The following CD82 variants were observed in gnomAD, a reference collection of about 807,000 sequenced individuals.
The protein encoded by CD82 is CD82 molecule.
In CD82, 36 loss-of-function variants were observed where a neutral mutation model predicts 37.4. The ratio of observed to expected loss-of-function variants is 0.96; its 90% CI spans 0.74 to 1.27. CD82 has a LOEUF of 1.27. Among genes scored for constraint, CD82 ranks in the 50% most tolerant of loss-of-function variants. The pLI is 0.00. For synonymous variants in CD82, 158 were observed against 137.4 expected (o/e 1.15, Z -1.05); for missense variants, 340 against 347.0 (o/e 0.98, Z 0.16).
intron 6 of CD82, chr11:44,608,121 G>T (rs146590394): frequency 1.3e-5 from 2 of 151,980 alleles, no homozygotes; most frequent in African/African-American, 4.8e-5. Flanking sequence ...TTTTTCTTTC[G>T]CAACGCATCA....
intron 1 of CD82, among the ~76,000 whole-genome samples, chr11:44,572,229 AC>A (rs1186663547): frequency 6.6e-6 from 1 of 152,242 alleles, no homozygotes; most frequent in Non-Finnish European, 1.5e-5. Context: ...CTGCTCCCCT[AC>A]AACTCTACTC....
chr11:44,569,128 G>T (rs1852779450), intron 1 of CD82, among the ~76,000 whole-genome samples: 2 of 152,226 alleles, frequency 1.3e-5, no homozygotes, highest in Admixed American at 6.5e-5. Flanking sequence ...AGCAGGAACT[G>T]CCCTACCCAC....
intron 1 of CD82, among the ~76,000 whole-genome samples, chr11:44,580,721 G>T (rs1852968226): frequency 6.6e-6 from 1 of 152,104 alleles, no homozygotes; most frequent in Non-Finnish European, 1.5e-5. Flanking sequence ...TCAATAAAAA[G>T]AAAAGAAACA....
At chr11:44,580,257 C>T (rs947844975) in intron 1 of CD82, among the ~76,000 whole-genome samples, 1 of 152,194 alleles carries the variant, frequency 6.6e-6, no homozygotes, top group Admixed American at 6.5e-5. Context: ...AGACAGAGTC[C>T]CTGTACCTAT....
intron 7 of CD82, among the ~76,000 whole-genome samples, chr11:44,617,868 C>T (rs906418105): frequency 4.6e-5 from 7 of 152,172 alleles, no homozygotes; most frequent in African/African-American, 1.7e-4. Context: ...GGATTGTAAC[C>T]CAGTAGCCTG....
intron 2 of CD82, among the ~76,000 whole-genome samples, chr11:44,590,346 C>T (rs898683010): frequency 4.0e-5 from 6 of 151,728 alleles, no homozygotes; most frequent in East Asian, 3.9e-4. Flanking sequence ...CAGTGGCTCA[C>T]GTCTGTAATC....
chr11:44,585,039 T>C (rs1200624072), intron 1 of CD82: 11 of 357,966 alleles, frequency 3.1e-5, no homozygotes, highest in Non-Finnish European at 6.1e-5. Flanking sequence ...CCAAACTGGC[T>C]GGACCTCTGA....
intron 1 of CD82, among the ~76,000 whole-genome samples, chr11:44,583,297 G>A (rs990715841): frequency 1.3e-5 from 2 of 152,246 alleles, no homozygotes; most frequent in African/African-American, 4.8e-5. Flanking sequence ...GAGGGCTCCA[G>A]GTATCTGCTG....
intron 6 of CD82, among the ~76,000 whole-genome samples, chr11:44,614,674 G>C (rs1237347981): frequency 6.6e-6 from 1 of 152,178 alleles, no homozygotes; most frequent in Non-Finnish European, 1.5e-5. Context: ...GTGGTTGATT[G>C]GTTGGGGGAG....
chr11:44,605,226 T>A, intron 5 of CD82, 44 bp downstream of exon 5: 2 of 1,607,992 alleles, frequency 1.2e-6, no homozygotes, highest in Non-Finnish European at 1.7e-6. Flanking sequence ...TTTCCTCTCA[T>A]CCAGCCGAGT....
chr11:44,609,217 A>G (rs1393195516), intron 6 of CD82, among the ~76,000 whole-genome samples: 1 of 152,204 alleles, frequency 6.6e-6, no homozygotes, highest in East Asian at 1.9e-4. Context: ...GCTTCGGATA[A>G]GTTACCCAGA....
At chr11:44,615,485 C>A in intron 7 of CD82, 112 bp downstream of exon 7, 1 of 701,896 alleles carries the variant, frequency 1.4e-6, no homozygotes, top group Non-Finnish European at 2.6e-6. Flanking sequence ...GTGTGCCTGA[C>A]AGTTTGTAGG....
chr11:44,571,212 G>T (rs1852810213), intron 1 of CD82, among the ~76,000 whole-genome samples: 1 of 152,182 alleles, frequency 6.6e-6, no homozygotes, highest in South Asian at 2.1e-4. Flanking sequence ...CTTGGCCAGA[G>T]AGGTGACTTC....
At chr11:44,610,216 C>G (rs1853460678) in intron 6 of CD82, among the ~76,000 whole-genome samples, 1 of 152,200 alleles carries the variant, frequency 6.6e-6, no homozygotes, top group South Asian at 2.1e-4. Flanking sequence ...AGTCTAGTCT[C>G]AAGTATCTGG....
chr11:44,587,822 G>A (rs949563550), intron 2 of CD82: 1 of 344,532 alleles, frequency 2.9e-6, no homozygotes, highest in Non-Finnish European at 5.8e-6. Context: ...CTGCGGGCAA[G>A]GACAGAAGAG....
In CD82 at chr11:44,581,695, G is replaced by A. The variant is rs987798432; in HGVS notation, c.-102-5780G>A. 3.9e-5 allele frequency among the ~76,000 whole-genome samples: 6 copies of A among 152,348 alleles called. No individual in the cohort carries two copies. In the East Asian group the frequency reaches 5.8e-4, roughly 15 times the overall value. ...CTGCAGTGGATGGTGGCTCAGGACA[G>A]AAACTGAGCGCAGAAGGGCCACTTG... On this transcript the variant is annotated intron_variant, in intron 1 of 9. Transcript: ENST00000227155.
In CD82 at chr11:44,618,340, C is replaced by T; in HGVS notation, c.617C>T (p.Pro206Leu). The part of the protein sequence containing the change: ...PGNRTQSGNH[P>L]EDWPVYQEGC... ...AACAGGACCCAGAGTGGCAACCACC[C>T]TGAGGACTGGCCTGTGTACCAGGAG... The change falls in exon 8 of 10, where the codon CCT becomes CTT. Residue 206 changes from proline to leucine, a missense_variant. By Grantham distance (98) the Pro-to-Leu change is moderately conservative. Coordinates refer to ENST00000227155, the MANE Select transcript of CD82 (RefSeq NM_002231.4). The T allele has an allele frequency of 1.9e-6, 3 of 1,613,442 alleles. No individual in the cohort carries two copies. Among genetic ancestry groups the T allele is most frequent in the East Asian group, 2.2e-5 (1 of 44,880 alleles).
At chr11:44,565,499 A>G (rs1852717413), upstream of CD82, 1 of 148,920 alleles carries the variant, frequency 6.7e-6, no homozygotes, top group Non-Finnish European at 1.5e-5. Flanking sequence ...GGGTACGGCC[A>G]TAGTGGGCGG....
chr11:44,578,663 GCT>G (rs1374658381), intron 1 of CD82, among the ~76,000 whole-genome samples: 1 of 152,192 alleles, frequency 6.6e-6, no homozygotes, highest in Non-Finnish European at 1.5e-5. Flanking sequence ...GCCTGCCCCA[GCT>G]CTCAGTGGAT....
Sources: gnomAD v4.1 joint callset for allele counts (sites outside exome capture counted in the v4.1 genomes callset) on GRCh38, gnomAD v4.1.1 for gene constraint, MANE v1.5 for transcripts, NCBI Gene and HGNC (gene_info 2026-07-23, HGNC 2026-07-21) for gene names.